The following MICAL2 variants were observed in gnomAD, a reference collection of about 807,000 sequenced individuals.
MICAL2 encodes the protein [F-actin]-monooxygenase MICAL2.
MICAL2 carries 77 observed loss-of-function variants against 127.3 expected under a neutral mutation model. The observed-to-expected ratio is 0.60, with a 90% CI of 0.50 to 0.73. The LOEUF (loss-of-function observed/expected upper bound fraction) is 0.73. MICAL2 is among the 30% of genes least tolerant of loss of function. The pLI, the probability that MICAL2 is intolerant of heterozygous loss-of-function variation, is 0.00. For missense variants in MICAL2, 1,351 were observed against 1,434.4 expected (o/e 0.94, Z 0.94); for synonymous variants, 570 against 551.1 (o/e 1.03, Z -0.48).
At chr11:12,186,958 C>T (rs1858381358) in intron 3 of MICAL2, among the ~76,000 whole-genome samples, 1 of 152,252 alleles carries the variant, frequency 6.6e-6, no homozygotes, top group Non-Finnish European at 1.5e-5. Flanking sequence ...GGTGATCTGC[C>T]TGTGTCCCTG....
At chr11:12,216,361 G>A in intron 8 of MICAL2, 42 bp downstream of exon 8, 1 of 1,474,592 alleles carries the variant, frequency 6.8e-7, no homozygotes, top group Non-Finnish European at 9.5e-7. Flanking sequence ...TCGCGACCTG[G>A]GCTGGTGACA....
chr11:12,264,546 GGCTGGGCGTA>G (rs147016949), downstream of MICAL2, among the ~76,000 whole-genome samples: 3,939 of 152,182 alleles, frequency 0.026, 155 homozygotes, highest in African/African-American at 0.081. Flanking sequence ...GCCATTTCCT[GGCTGGGCGTA>G]GCTGGGCGTA....
upstream of MICAL2, among the ~76,000 whole-genome samples, chr11:12,275,081 T>C (rs2641927): frequency 0.95 from 144,892 of 151,996 alleles, 69,418 homozygotes; most frequent in East Asian, 1. Flanking sequence ...TGCCGATGAC[T>C]TGAATGAAGA....
At chr11:12,167,899 G>A (rs1227028403) in intron 3 of MICAL2, among the ~76,000 whole-genome samples, 1 of 152,134 alleles carries the variant, frequency 6.6e-6, no homozygotes, top group Admixed American at 6.5e-5. Context: ...ATGTCATATG[G>A]AGAAGAAAAA....
chr11:12,343,761 G>A (rs1319724486), intron 32 of MICAL2, among the ~76,000 whole-genome samples: 1 of 152,176 alleles, frequency 6.6e-6, no homozygotes, highest in Non-Finnish European at 1.5e-5. Context: ...GTGGCAGATG[G>A]TATAATGTTA....
At chr11:12,111,365 G>A (rs969013116) in intron 1 of MICAL2, among the ~76,000 whole-genome samples, 1 of 152,162 alleles carries the variant, frequency 6.6e-6, no homozygotes, top group African/African-American at 2.4e-5. Context: ...AGGCCCAGGA[G>A]CACCCCCGCA....
intron 3 of MICAL2, among the ~76,000 whole-genome samples, chr11:12,167,261 T>C (rs144946964): frequency 2.0e-5 from 3 of 151,930 alleles, no homozygotes; most frequent in African/African-American, 7.2e-5. Context: ...GGCCAGCGTA[T>C]GTAATGAAAA....
chr11:12,123,851 A>C (rs1418561386), intron 1 of MICAL2, among the ~76,000 whole-genome samples: 1 of 152,128 alleles, frequency 6.6e-6, no homozygotes, highest in African/African-American at 2.4e-5. Flanking sequence ...TAGTTTGTTC[A>C]GATCTTTTTA....
At chr11:12,207,891 G>T (rs1373496700) in intron 4 of MICAL2, 132 bp from the exon 5 acceptor site, 2 of 716,880 alleles carry the variant, frequency 2.8e-6, no homozygotes, top group Non-Finnish European at 5.0e-6. Context: ...GCATAATCCC[G>T]CTCAGTAATG....
chr11:12,137,622 T>G (rs975442927), intron 1 of MICAL2, among the ~76,000 whole-genome samples: 38 of 152,232 alleles, frequency 2.5e-4, no homozygotes, highest in East Asian at 5.8e-4. Context: ...AGTGTGTGTG[T>G]GGGGGGCACC....
At position 12,135,013 on chromosome 11, in the gene MICAL2, G is replaced by C. The variant is rs532297409; in HGVS notation, c.-148-3377G>C. On this transcript the variant is annotated intron_variant, in intron 1 of 27. Coordinates refer to ENST00000683283, the MANE Select transcript of MICAL2 (RefSeq NM_001282663.2). ...CCAGCTGACCCCACACAGCCCTGCC[G>C]CCAACCTAAGAGGACCAGGCCTTCC... Among the ~76,000 whole-genome samples, 7 of 152,216 alleles carry C rather than the reference G, an allele frequency of 4.6e-5. No individual in the cohort carries two copies. In the South Asian group the frequency reaches 1.5e-3, roughly 32 times the overall value.
intron 3 of MICAL2, among the ~76,000 whole-genome samples, chr11:12,189,840 C>T (rs958896664): frequency 1.3e-5 from 2 of 152,208 alleles, no homozygotes; most frequent in African/African-American, 4.8e-5. Flanking sequence ...TCCCAGGCAG[C>T]TCCCAGCAGG....
chr11:12,270,321 T>A (rs1281978014), intron 24 of MICAL2, among the ~76,000 whole-genome samples: 1 of 152,166 alleles, frequency 6.6e-6, no homozygotes, highest in East Asian at 1.9e-4. Context: ...AAAAGGCGTA[T>A]CCCTTGCAAA....
chr11:12,151,176 T>G (rs1278877153), intron 2 of MICAL2, among the ~76,000 whole-genome samples: 1 of 152,174 alleles, frequency 6.6e-6, no homozygotes, highest in Non-Finnish European at 1.5e-5. Context: ...GTCTCCTGTC[T>G]TATGCTATTT....
chr11:12,354,700 T>C, intron 33 of MICAL2: 1 of 1,081,570 alleles, frequency 9.2e-7, no homozygotes. Flanking sequence ...AAAAGAATGC[T>C]GTAGCTACTC....
At chr11:12,159,854 T>C (rs1247851526) in intron 2 of MICAL2, among the ~76,000 whole-genome samples, 1 of 152,200 alleles carries the variant, frequency 6.6e-6, no homozygotes, top group Non-Finnish European at 1.5e-5. Flanking sequence ...ATGTGAGTCA[T>C]GCCCAAGTAA....
chr11:12,262,417 C>T, intron 26 of MICAL2, 63 bp from the exon 27 acceptor site: 1 of 1,603,498 alleles, frequency 6.2e-7, no homozygotes, highest in Admixed American at 1.7e-5. Flanking sequence ...TTCCTTTTTT[C>T]CCCACACTAA....
intron 2 of MICAL2, among the ~76,000 whole-genome samples, chr11:12,160,559 C>T (rs1167062707): frequency 6.6e-6 from 1 of 152,252 alleles, no homozygotes; most frequent in Admixed American, 6.5e-5. Context: ...GCTCTTTCCA[C>T]ACTCACATCC....
chr11:12,248,645 G>A (rs899138976), intron 21 of MICAL2, among the ~76,000 whole-genome samples: 6 of 142,764 alleles, frequency 4.2e-5, no homozygotes, highest in African/African-American at 1.6e-4. Context: ...CCCTTGGGGT[G>A]TTTGTTTTAA....
Sources: gnomAD v4.1 joint callset for allele counts (sites outside exome capture counted in the v4.1 genomes callset) on GRCh38, gnomAD v4.1.1 for gene constraint, MANE v1.5 for transcripts, NCBI Gene and HGNC (gene_info 2026-07-23, HGNC 2026-07-21) for gene names.